The following FRMD5 variants were observed in gnomAD, a reference collection of about 807,000 sequenced individuals.
FRMD5 encodes FERM domain containing 5.
In FRMD5, 20 loss-of-function variants were observed where a neutral mutation model predicts 69.0. The ratio of observed to expected loss-of-function variants is 0.29; its 90% CI spans 0.20 to 0.42. The LOEUF is 0.42. FRMD5 is among the 10% of genes least tolerant of loss of function. The pLI, the probability that FRMD5 is intolerant of heterozygous loss-of-function variation, is 1.00. For synonymous variants in FRMD5, 271 were observed against 260.1 expected, an observed-to-expected ratio of 1.04 and a Z score of -0.40; for missense variants, 595 against 708.6, an observed-to-expected ratio of 0.84 and a Z score of 1.82.
chr15:43,929,881 C>T (rs901995624), intron 1 of FRMD5, among the ~76,000 whole-genome samples: 2 of 152,120 alleles, frequency 1.3e-5, no homozygotes, highest in African/African-American at 2.4e-5. Context: ...AGTGGCATGC[C>T]GATGTCTGCC....
At chr15:44,039,948 T>C (rs1268184819) in intron 1 of FRMD5, among the ~76,000 whole-genome samples, 1 of 151,982 alleles carries the variant, frequency 6.6e-6, no homozygotes, top group African/African-American at 2.4e-5. Flanking sequence ...GATGAATTGC[T>C]AACTAGAATA....
chr15:44,081,277 A>G (rs1893986542), intron 1 of FRMD5, among the ~76,000 whole-genome samples: 1 of 152,114 alleles, frequency 6.6e-6, no homozygotes, highest in African/African-American at 2.4e-5. Flanking sequence ...AGTTTTGAAC[A>G]GCTTGTTCTG....
At chr15:44,078,724 T>C (rs1394423828) in intron 1 of FRMD5, among the ~76,000 whole-genome samples, 1 of 152,212 alleles carries the variant, frequency 6.6e-6, no homozygotes, top group Non-Finnish European at 1.5e-5. Flanking sequence ...GGCTTTGGGA[T>C]ATCCACATGC....
chr15:44,191,591 T>A (rs769972065), intron 1 of FRMD5, among the ~76,000 whole-genome samples: 159 of 151,178 alleles, frequency 1.1e-3, no homozygotes, highest in Non-Finnish European at 1.7e-3. Context: ...ACCTCAAAAA[T>A]AATAATAATA....
At position 44,037,163 on chromosome 15, in the gene FRMD5, G is replaced by A. The variant is rs547861045; in HGVS notation, c.103-112854C>T. ...CTCCCCCAACCCCCGACAGGCCCTG[G>A]TGTGTGATATTTCCCTCCCTGTATT... is the stretch of plus-strand genomic sequence containing the variant. On this transcript the variant is annotated intron_variant, in intron 1 of 13. Transcript: ENST00000417257. Among the ~76,000 whole-genome samples, 4 of 152,134 alleles carry A rather than the reference G, an allele frequency of 2.6e-5. No individual in the cohort carries two copies. The South Asian group carries it at 8.3e-4, about 32-fold the overall frequency.
At chr15:43,915,786 A>C (rs1233666473) in intron 4 of FRMD5, among the ~76,000 whole-genome samples, 3 of 152,188 alleles carry the variant, frequency 2.0e-5, no homozygotes, top group Non-Finnish European at 2.9e-5. Context: ...GCCTGGCTTT[A>C]TGGGAATGGC....
intron 1 of FRMD5, among the ~76,000 whole-genome samples, chr15:43,966,101 C>T (rs577419833): frequency 6.6e-6 from 1 of 151,944 alleles, no homozygotes; most frequent in African/African-American, 2.4e-5. Flanking sequence ...GGGCTGGGTG[C>T]GGTGACTTAC....
At chr15:44,029,565 T>C (rs949406947) in intron 1 of FRMD5, among the ~76,000 whole-genome samples, 1 of 152,330 alleles carries the variant, frequency 6.6e-6, no homozygotes, top group Admixed American at 6.5e-5. Flanking sequence ...AGAGAAAATA[T>C]GGTAACTAAA....
chr15:43,881,726 A>G (rs569210040), intron 13 of FRMD5, among the ~76,000 whole-genome samples: 108 of 152,240 alleles, frequency 7.1e-4, no homozygotes, highest in Non-Finnish European at 1.1e-3. Flanking sequence ...TATTTTACAA[A>G]TGGAGCAATG....
intron 1 of FRMD5, among the ~76,000 whole-genome samples, chr15:44,072,538 C>T (rs1893586275): frequency 6.6e-6 from 1 of 152,180 alleles, no homozygotes; most frequent in Non-Finnish European, 1.5e-5. Context: ...ATTTAACCAG[C>T]TTTAAAATGC....
intron 1 of FRMD5, 175 bp downstream of exon 1, chr15:44,194,778 G>A (rs2078257467): frequency 1.4e-6 from 1 of 692,214 alleles, no homozygotes; most frequent in Non-Finnish European, 2.6e-6. Flanking sequence ...CCAGGGCTCC[G>A]GCAGGGGCTC....
At chr15:44,098,120 A>ACAAAAAAAC (rs1555403633) in intron 1 of FRMD5, among the ~76,000 whole-genome samples, 2 of 142,246 alleles carry the variant, frequency 1.4e-5, no homozygotes, top group African/African-American at 2.6e-5. Context: ...CAAAACAAAA[A>ACAAAAAAAC]AAAAAAAACT....
At chr15:44,171,890 A>G (rs967433356) in intron 1 of FRMD5, among the ~76,000 whole-genome samples, 2 of 152,142 alleles carry the variant, frequency 1.3e-5, no homozygotes, top group African/African-American at 4.8e-5. Flanking sequence ...CAGCCTCATG[A>G]GTAGCTGGGC....
chr15:43,885,073 C>T (rs2140357907), intron 11 of FRMD5: 2 of 379,764 alleles, frequency 5.3e-6, no homozygotes, highest in Non-Finnish European at 9.6e-6. Context: ...GTTCCAATTA[C>T]ATCACAAAAA....
intron 1 of FRMD5, among the ~76,000 whole-genome samples, chr15:44,129,160 A>G (rs1034646015): frequency 1.3e-5 from 2 of 152,200 alleles, no homozygotes; most frequent in Non-Finnish European, 2.9e-5. Flanking sequence ...ATGTACAGAA[A>G]GCTCTTATGA....
At chr15:44,095,740 A>G (rs535277975) in intron 1 of FRMD5, among the ~76,000 whole-genome samples, 2 of 152,300 alleles carry the variant, frequency 1.3e-5, no homozygotes, top group South Asian at 2.1e-4. Context: ...GGCATGGCCA[A>G]CTGGAAACCC....
chr15:43,959,284 T>C (rs1286673529), intron 1 of FRMD5, among the ~76,000 whole-genome samples: 1 of 152,158 alleles, frequency 6.6e-6, no homozygotes, highest in Non-Finnish European at 1.5e-5. Flanking sequence ...ACTCAAATAT[T>C]CATCATGGAC....
intron 1 of FRMD5, among the ~76,000 whole-genome samples, chr15:44,040,300 A>G (rs1892129317): frequency 6.6e-6 from 1 of 152,194 alleles, no homozygotes; most frequent in South Asian, 2.1e-4. Context: ...ATTCAAATTC[A>G]GGAAATACAG....
At chr15:43,893,401 C>T (rs898074200) in intron 7 of FRMD5, among the ~76,000 whole-genome samples, 2 of 152,084 alleles carry the variant, frequency 1.3e-5, no homozygotes, top group Non-Finnish European at 2.9e-5. Flanking sequence ...TAGTGGGGAG[C>T]GGGCGGAGCA....
Sources: gnomAD v4.1 joint callset for allele counts (sites outside exome capture counted in the v4.1 genomes callset) on GRCh38, gnomAD v4.1.1 for gene constraint, MANE v1.5 for transcripts, NCBI Gene and HGNC (gene_info 2026-07-23, HGNC 2026-07-21) for gene names.